ILRUN: variants seen among roughly 807,000 people sequenced by gnomAD.
ILRUN encodes protein ILRUN.
A neutral mutation model predicts 33.8 loss-of-function variants in ILRUN; 3 were observed. The ratio of observed to expected loss-of-function variants is 0.09; its 90% CI spans 0.04 to 0.23. The LOEUF (loss-of-function observed/expected upper bound fraction) is 0.23, where lower values mean the gene tolerates loss of function less well. ILRUN is among the 10% of genes least tolerant of loss of function. ILRUN has a pLI of 1.00. For missense variants in ILRUN, 210 were observed against 375.1 expected (o/e 0.56, Z 3.64); for synonymous variants, 124 against 138.9 (o/e 0.89, Z 0.75).
At chr6:34,639,651 G>A (rs966339622) in intron 3 of ILRUN, among the ~76,000 whole-genome samples, 1 of 152,102 alleles carries the variant, frequency 6.6e-6, no homozygotes, top group Non-Finnish European at 1.5e-5. Flanking sequence ...CACTCACTCT[G>A]GAAGTAGAGA....
chr6:34,691,033 C>T (rs963879191), intron 1 of ILRUN, among the ~76,000 whole-genome samples: 11 of 151,982 alleles, frequency 7.2e-5, no homozygotes, highest in African/African-American at 2.7e-4. Flanking sequence ...TACAGGTGCC[C>T]GTCACCAGGC....
chr6:34,637,451 T>C (rs1253290294), intron 3 of ILRUN, among the ~76,000 whole-genome samples: 1 of 152,192 alleles, frequency 6.6e-6, no homozygotes, highest in African/African-American at 2.4e-5. Context: ...ATCCAACATT[T>C]CAGACTAAAG....
intron 3 of ILRUN, among the ~76,000 whole-genome samples, chr6:34,620,265 C>T (rs1761986847): frequency 1.3e-5 from 2 of 151,854 alleles, no homozygotes; most frequent in South Asian, 2.1e-4. Flanking sequence ...GGTGAGACAC[C>T]GTAAAAATGG....
intron 3 of ILRUN, among the ~76,000 whole-genome samples, chr6:34,632,016 T>C (rs1762256246): frequency 6.6e-6 from 1 of 152,218 alleles, no homozygotes; most frequent in South Asian, 2.1e-4. Flanking sequence ...GAAGAAGTTC[T>C]AAAACATTAG....
chr6:34,687,827 G>A lies in ILRUN; in HGVS notation c.158+8619C>T, dbSNP rs140551168. On this transcript the variant is annotated intron_variant, in intron 1 of 4. Transcript: ENST00000374023. ...AGAAATTGCGACCAACTCATACACC[G>A]CGGTTGGGAATGTAAAATGATTCAG... 5.5e-3 allele frequency among the ~76,000 whole-genome samples: 826 copies of A among 151,536 alleles called. 10 individuals carry two copies. Among genetic ancestry groups the A allele is most frequent in the South Asian group, 0.025 (120 of 4,804 alleles).
In ILRUN at chr6:34,646,264, G is replaced by A. The variant is rs1762562043; in HGVS notation, c.511+337C>T. Among the ~76,000 whole-genome samples the A allele has an allele frequency of 6.6e-6, 1 of 152,180 alleles. No homozygotes were observed. The highest frequency in any genetic ancestry group is 1.5e-5 in the Non-Finnish European group (1 of 68,038). ...ATTTTGTGCATTATCTGTTTTATATGACTTGTGTCTAGAGACTTTGAGAAC... is the reference window on the plus strand; with the variant it reads ...ATTTTGTGCATTATCTGTTTTATATAACTTGTGTCTAGAGACTTTGAGAAC... On this transcript the variant is annotated intron_variant, in intron 3 of 4. Coordinates refer to ENST00000374023, the MANE Select transcript of ILRUN (RefSeq NM_024294.4). The surrounding 1 kb of genome is among the most constrained non-coding windows in gnomAD (Gnocchi z 4.9).
intron 1 of ILRUN, among the ~76,000 whole-genome samples, chr6:34,676,998 TAA>T (rs3044899): frequency 0.44 from 57,685 of 130,942 alleles, 12,564 homozygotes; most frequent in African/African-American, 0.61. Context: ...ATGTCACAAT[TAA>T]AAAAAAAAAA....
chr6:34,594,321 G>T (rs145715990), intron 4 of ILRUN, among the ~76,000 whole-genome samples: 1 of 152,250 alleles, frequency 6.6e-6, no homozygotes, highest in East Asian at 1.9e-4. Flanking sequence ...AAAACCCAGT[G>T]AGCTTGATGC....
intron 1 of ILRUN, among the ~76,000 whole-genome samples, chr6:34,666,295 C>T (rs1287831651): frequency 6.6e-6 from 1 of 152,212 alleles, no homozygotes; most frequent in African/African-American, 2.4e-5. Flanking sequence ...CATGGTGGCT[C>T]ATGCCTGTAA....
rs561783426 is a variant in ILRUN, at chr6:34,641,513, C to T, written c.511+5088G>A. Among the ~76,000 whole-genome samples, 200 of 152,304 alleles carry T rather than the reference C, an allele frequency of 1.3e-3. 8 individuals are homozygous for T. In the South Asian group the frequency reaches 0.039, roughly 30 times the overall value. On this transcript the variant is annotated intron_variant, in intron 3 of 4. Coordinates refer to ENST00000374023, the MANE Select transcript of ILRUN (RefSeq NM_024294.4). ...AGAGCTCCAGCGGTCATCCCAGACA[C>T]ACAAGGGCTGGAAAACATAAGCCAA...
chr6:34,683,502 A>ACG (rs1763446145), intron 1 of ILRUN, among the ~76,000 whole-genome samples: 1 of 85,848 alleles, frequency 1.2e-5, no homozygotes, highest in African/African-American at 6.4e-5. Flanking sequence ...ATATATACAT[A>ACG]TATATATATA....
chr6:34,594,104 G>C (rs971191593), intron 4 of ILRUN, among the ~76,000 whole-genome samples: 3 of 152,138 alleles, frequency 2.0e-5, no homozygotes, highest in Non-Finnish European at 2.9e-5. Flanking sequence ...ACTCTCTTCT[G>C]GGGCCTAGCA....
At chr6:34,665,732 A>G (rs1762981778) in intron 1 of ILRUN, among the ~76,000 whole-genome samples, 1 of 152,138 alleles carries the variant, frequency 6.6e-6, no homozygotes, top group Non-Finnish European at 1.5e-5. Flanking sequence ...CCCAGCCTTC[A>G]TTTATTAAAA....
intron 3 of ILRUN, among the ~76,000 whole-genome samples, chr6:34,645,572 G>C (rs980426041): frequency 7.2e-5 from 11 of 151,910 alleles, no homozygotes; most frequent in Admixed American, 7.2e-4. Context: ...GGGTCTCTCT[G>C]TTTTGCCCAG....
chr6:34,693,227 AAAGAAAATAAAG>A (rs1363809601), intron 1 of ILRUN, among the ~76,000 whole-genome samples: 1 of 152,216 alleles, frequency 6.6e-6, no homozygotes. Context: ...TTTTATAATC[AAAGAAAATAAAG>A]AACATGCCTT....
chr6:34,626,346 A>T (rs1291350560), intron 3 of ILRUN, among the ~76,000 whole-genome samples: 1 of 151,646 alleles, frequency 6.6e-6, no homozygotes, highest in African/African-American at 2.4e-5. Flanking sequence ...TAATTTTTAA[A>T]TTTTTTTGTA....
chr6:34,672,935 CA>C (rs58087614), intron 1 of ILRUN, among the ~76,000 whole-genome samples: 2,237 of 152,254 alleles, frequency 0.015, 36 homozygotes, highest in African/African-American at 0.052. Context: ...CGTCAAATTT[CA>C]GGGCACTAGG....
At chr6:34,682,123 T>C (rs1011126136) in intron 1 of ILRUN, among the ~76,000 whole-genome samples, 7 of 150,292 alleles carry the variant, frequency 4.7e-5, no homozygotes, top group Non-Finnish European at 3.0e-5. Context: ...TCCGCCCGCC[T>C]GGCCTCCCAA....
chr6:34,661,311 G>C (rs1762879751), intron 1 of ILRUN, among the ~76,000 whole-genome samples: 1 of 152,158 alleles, frequency 6.6e-6, no homozygotes, highest in Admixed American at 6.5e-5. Flanking sequence ...ACTTTCAAAT[G>C]ATTTTTTAAA....
Sources: gnomAD v4.1 joint callset for allele counts (sites outside exome capture counted in the v4.1 genomes callset) on GRCh38, gnomAD v4.1.1 for gene constraint, Gnocchi (gnomAD v3.1) non-coding constraint, MANE v1.5 for transcripts, NCBI Gene and HGNC (gene_info 2026-07-23, HGNC 2026-07-21) for gene names.